XRCC6: variants seen among roughly 807,000 people sequenced by gnomAD.
XRCC6 encodes the protein DNA repair protein Ku70.
XRCC6 carries 5 observed loss-of-function variants against 65.7 expected under a neutral mutation model. The observed-to-expected ratio is 0.08, with a 90% confidence interval of 0.04 to 0.16. XRCC6 has a LOEUF of 0.16. Among genes scored for constraint, XRCC6 ranks in the 10% least tolerant of loss-of-function variants. XRCC6 has a pLI of 1.00. For missense variants in XRCC6, 447 were observed against 738.1 expected (o/e 0.61, Z 4.57); for synonymous variants, 270 against 270.6 (o/e 1.00, Z 0.02).
Position 41,621,983 on chromosome 22 carries a change from C to G in XRCC6, c.-15-7C>G, listed in dbSNP as rs753079862. On this transcript the variant is annotated splice_region_variant and splice_polypyrimidine_tract_variant and intron_variant, in intron 1 of 12. Coordinates refer to ENST00000360079, the MANE Select transcript of XRCC6 (RefSeq NM_001469.5). Reference sequence around the variant, plus strand: ...GCCTGTTACTGACGTTAACGTCTTTCGCCTAGTGAGCAGTAGCCAACATGT... The same window carrying G: ...GCCTGTTACTGACGTTAACGTCTTTGGCCTAGTGAGCAGTAGCCAACATGT... 1.2e-6 allele frequency: 2 copies of G among 1,613,782 alleles called. No homozygotes were observed. The highest frequency in any genetic ancestry group is 2.2e-5 in the South Asian group (2 of 91,056).
intron 6 of XRCC6, among the ~76,000 whole-genome samples, chr22:41,639,335 T>C (rs903800223): frequency 2.8e-4 from 26 of 92,196 alleles, no homozygotes; most frequent in Non-Finnish European, 4.2e-4. Flanking sequence ...TTTTCTTTTT[T>C]TTTTTTTTTT....
intron 7 of XRCC6, 145 bp from the exon 8 acceptor site, chr22:41,650,578 G>C: frequency 1.4e-6 from 1 of 734,266 alleles, no homozygotes; most frequent in Non-Finnish European, 2.2e-6. Flanking sequence ...TTAATTCCCT[G>C]TTGGAGAAGG....
chr22:41,660,550 C>T (rs940253248), intron 11 of XRCC6, among the ~76,000 whole-genome samples: 1 of 152,124 alleles, frequency 6.6e-6, no homozygotes, highest in Non-Finnish European at 1.5e-5. Flanking sequence ...GGCCTAATTC[C>T]TTGGCAGGCA....
chr22:41,641,387 G>A (rs1247745989), intron 6 of XRCC6, among the ~76,000 whole-genome samples: 1 of 152,092 alleles, frequency 6.6e-6, no homozygotes, highest in African/African-American at 2.4e-5. Context: ...TTTGGTATAG[G>A]CATGCAATGC....
intron 2 of XRCC6, among the ~76,000 whole-genome samples, chr22:41,622,635 A>G (rs1212678190): frequency 1.3e-5 from 2 of 152,102 alleles, no homozygotes; most frequent in Admixed American, 6.6e-5. Context: ...AAAATTTTGA[A>G]TATTTTTATT....
At chr22:41,647,720 C>T (rs1601547261) in intron 7 of XRCC6, among the ~76,000 whole-genome samples, 1 of 151,990 alleles carries the variant, frequency 6.6e-6, no homozygotes, top group Non-Finnish European at 1.5e-5. Flanking sequence ...CTGTGCCCAG[C>T]GTTTTTTTGT....
intron 3 of XRCC6, among the ~76,000 whole-genome samples, chr22:41,631,268 T>C (rs1428588608): frequency 2.7e-5 from 4 of 147,018 alleles, no homozygotes; most frequent in African/African-American, 1.0e-4. Context: ...TGGCTGGGGC[T>C]GACCCCCCAC....
intron 6 of XRCC6, among the ~76,000 whole-genome samples, chr22:41,639,457 C>G (rs980335568): frequency 4.2e-5 from 6 of 144,502 alleles, no homozygotes; most frequent in East Asian, 4.3e-4. Context: ...TATCAGTGTT[C>G]TGAGTAACTG....
chr22:41,632,177 A>ACCGTG (rs1253350535), intron 3 of XRCC6, among the ~76,000 whole-genome samples: 2 of 150,070 alleles, frequency 1.3e-5, no homozygotes, highest in African/African-American at 5.0e-5. Flanking sequence ...GGATAGGGAG[A>ACCGTG]GGGAGAGGGA....
intron 3 of XRCC6, among the ~76,000 whole-genome samples, chr22:41,631,075 G>T (rs964031994): frequency 9.5e-5 from 14 of 147,230 alleles, no homozygotes; most frequent in African/African-American, 3.8e-4. Flanking sequence ...GGACAGGGCT[G>T]CTGGCCGGGT....
chr22:41,628,206 G>A lies in XRCC6; in HGVS notation c.171G>A (p.Leu57=). 1 of 1,612,792 alleles carries A rather than the reference G, an allele frequency of 6.2e-7. No individual in the cohort carries two copies. Among genetic ancestry groups the A allele is most frequent in the Non-Finnish European group, 8.5e-7 (1 of 1,179,588 alleles). ...AMFESQSEDE[L]TPFDMSIQCI... ...TTGAATCTCAGAGTGAAGATGAGTTGACACCTTTTGACATGAGCATCCAGG... is the reference window on the plus strand; with the variant it reads ...TTGAATCTCAGAGTGAAGATGAGTTAACACCTTTTGACATGAGCATCCAGG... The change falls in exon 3 of 13, where the codon TTG becomes TTA. Residue 57 remains leucine (L), a synonymous_variant. Coordinates refer to ENST00000360079, the MANE Select transcript of XRCC6 (RefSeq NM_001469.5).
Position 41,627,609 on chromosome 22 carries a change from CA to C in XRCC6, c.83-488del, listed in dbSNP as rs71184821. ...CTGGCAACAGAGCGAGACTCCGTCT[CA>C]AAAAAAAAAAAAAAAAAAAATAGAG... is the stretch of plus-strand genomic sequence containing the variant. On this transcript the variant is annotated intron_variant, in intron 2 of 12. Coordinates refer to ENST00000360079, the MANE Select transcript of XRCC6 (RefSeq NM_001469.5). Among the ~76,000 whole-genome samples the C allele has an allele frequency of 3.2e-3, 316 of 97,466 alleles. 1 individual carries two copies. Among genetic ancestry groups the C allele is most frequent in the South Asian group, 6.2e-3 (16 of 2,576 alleles). 63.9% of individuals were successfully genotyped at this position (97,466 alleles called of 152,430 possible).
intron 3 of XRCC6, among the ~76,000 whole-genome samples, chr22:41,633,172 A>G (rs189124679): frequency 3.9e-5 from 6 of 152,294 alleles, no homozygotes; most frequent in Non-Finnish European, 8.8e-5. Context: ...ACTATGAATA[A>G]AAACAATCGT....
chr22:41,645,479 T>C (rs1392905400), intron 6 of XRCC6, among the ~76,000 whole-genome samples: 1 of 152,032 alleles, frequency 6.6e-6, no homozygotes, highest in Admixed American at 6.6e-5. Flanking sequence ...TCATGGCCAC[T>C]GCTCAGAGAC....
chr22:41,623,736 A>C (rs572476612), intron 2 of XRCC6, among the ~76,000 whole-genome samples: 1 of 131,134 alleles, frequency 7.6e-6, no homozygotes, highest in African/African-American at 2.9e-5. Flanking sequence ...TTATTTATTT[A>C]TTGAGACAGA....
chr22:41,632,008 A>G (rs1375263302), intron 3 of XRCC6, among the ~76,000 whole-genome samples: 2 of 152,172 alleles, frequency 1.3e-5, no homozygotes, highest in Non-Finnish European at 2.9e-5. Context: ...CGCGCCTGCA[A>G]TCGCAGGTGC....
chr22:41,641,791 C>T (rs756150556), intron 6 of XRCC6, among the ~76,000 whole-genome samples: 8 of 152,118 alleles, frequency 5.3e-5, no homozygotes, highest in Non-Finnish European at 8.8e-5. Context: ...TTACCAATGA[C>T]AGGATCTCCT....
At chr22:41,627,472 G>A (rs1375465273) in intron 2 of XRCC6, among the ~76,000 whole-genome samples, 1 of 152,048 alleles carries the variant, frequency 6.6e-6, no homozygotes, top group African/African-American at 2.4e-5. Flanking sequence ...TTAGCTGGGA[G>A]TGGTGGCGGG....
chr22:41,654,709 G>A (rs961449588), intron 9 of XRCC6, among the ~76,000 whole-genome samples: 3 of 152,208 alleles, frequency 2.0e-5, no homozygotes, highest in African/African-American at 7.2e-5. Context: ...AGGGGCGAGG[G>A]TGAAGCTCAG....
Sources: allele counts gnomAD v4.1 joint callset (sites outside exome capture counted in the v4.1 genomes callset), GRCh38; gene constraint gnomAD v4.1.1; transcripts MANE v1.5; gene names NCBI Gene and HGNC (gene_info 2026-07-23, HGNC 2026-07-21).